Variants in INTU observed in about 807,000 individuals in gnomAD.
INTU encodes inturned planar cell polarity protein, also known as protein inturned.
INTU carries 68 observed loss-of-function variants against 100.5 expected under a neutral mutation model. The ratio of observed to expected loss-of-function variants is 0.68; its 90% confidence interval spans 0.56 to 0.83. The LOEUF (loss-of-function observed/expected upper bound fraction) is 0.83. INTU is among the 40% of genes least tolerant of loss of function. The pLI is 0.00. For missense variants in INTU, 1,071 were observed against 1,114.7 expected, an observed-to-expected ratio of 0.96 and a Z score of 0.56; for synonymous variants, 357 against 395.7, an observed-to-expected ratio of 0.90 and a Z score of 1.16.
At chr4:127,690,734 G>A (rs1253780302) in intron 8 of INTU, among the ~76,000 whole-genome samples, 5 of 152,076 alleles carry the variant, frequency 3.3e-5, no homozygotes, top group Non-Finnish European at 5.9e-5. Flanking sequence ...GAAAGGTACA[G>A]ATTTCCCACG....
At chr4:127,648,028 G>A (rs1488968235) in intron 2 of INTU, among the ~76,000 whole-genome samples, 1 of 152,128 alleles carries the variant, frequency 6.6e-6, no homozygotes, top group Non-Finnish European at 1.5e-5. Flanking sequence ...TTGAGGAACT[G>A]TGATAAACTG....
At chr4:127,649,253 G>A (rs79822714) in intron 2 of INTU, among the ~76,000 whole-genome samples, 4,482 of 152,248 alleles carry the variant, frequency 0.029, 187 homozygotes, top group African/African-American at 0.097. Context: ...AAGATATTGA[G>A]CACAGCATTG....
intron 8 of INTU, among the ~76,000 whole-genome samples, chr4:127,693,886 T>C (rs1370473578): frequency 6.6e-6 from 1 of 152,162 alleles, no homozygotes; most frequent in African/African-American, 2.4e-5. Flanking sequence ...TTGACTTATG[T>C]ATGTTAAACC....
At chr4:127,672,289 G>C (rs1317970495) in intron 5 of INTU, among the ~76,000 whole-genome samples, 3 of 151,942 alleles carry the variant, frequency 2.0e-5, no homozygotes, top group African/African-American at 7.3e-5. Context: ...CCAACCCCTG[G>C]GCAACTGCTA....
rs1731370810 is a variant in INTU, at chr4:127,723,155, TC to T, written c.*6722del. Reference sequence around the variant, plus strand: ...AGGGGAAGCAAAATCCTTCACCATCTCCCTTGGCTGGACGAGGGAGTTCACT... The same window carrying T: ...AGGGGAAGCAAAATCCTTCACCATCTCCTTGGCTGGACGAGGGAGTTCACT... On this transcript the variant is annotated 3_prime_UTR_variant, in exon 16 of 16. Transcript: ENST00000335251. 2 of 152,124 alleles carry T rather than the reference TC, an allele frequency of 1.3e-5. No homozygotes were observed. Among genetic ancestry groups the T allele is most frequent in the Non-Finnish European group, 2.9e-5 (2 of 68,038 alleles). The allele number at this position is 152,124 out of a possible 1,614,324, so 9.4% of individuals were successfully genotyped here.
intron 14 of INTU, among the ~76,000 whole-genome samples, chr4:127,712,738 A>T (rs1437616958): frequency 6.6e-6 from 1 of 152,218 alleles, no homozygotes; most frequent in Non-Finnish European, 1.5e-5. Flanking sequence ...GGAGCAAGCC[A>T]TGTGGCTCTC....
chr4:127,670,412 T>C lies in INTU; in HGVS notation c.1091+1258T>C, dbSNP rs572032129. 4.6e-5 allele frequency among the ~76,000 whole-genome samples: 7 copies of C among 152,096 alleles called. No homozygotes were observed. In the South Asian group the frequency reaches 1.4e-3, roughly 31 times the overall value. ...ATGTTTTAACTAATTAAAAGTCATGTTTAACTATGTGACTTTAATATAGTG... is the reference window on the plus strand; with the variant it reads ...ATGTTTTAACTAATTAAAAGTCATGCTTAACTATGTGACTTTAATATAGTG... On this transcript the variant is annotated intron_variant, in intron 5 of 15. Coordinates refer to ENST00000335251, the MANE Select transcript of INTU (RefSeq NM_015693.4).
rs905772776 is a variant in INTU at position 127,673,209 on chromosome 4, G to A, written c.1092-915G>A. Among the ~76,000 whole-genome samples the A allele has an allele frequency of 2.4e-4, 37 of 152,010 alleles. 1 individual carries two copies. The highest frequency in any genetic ancestry group is 1.5e-3 in the South Asian group (7 of 4,814). On this transcript the variant is annotated intron_variant, in intron 5 of 15. Transcript: ENST00000335251. ...TGTTTTGTTTTTGAGACAGGGCCTCGCTTTGTCACCCATGCTGGAGTGCAT... is the reference window on the plus strand; with the variant it reads ...TGTTTTGTTTTTGAGACAGGGCCTCACTTTGTCACCCATGCTGGAGTGCAT...
intron 6 of INTU, among the ~76,000 whole-genome samples, chr4:127,679,518 A>C (rs1298120633): frequency 2.6e-5 from 4 of 152,228 alleles, no homozygotes; most frequent in African/African-American, 7.2e-5. Context: ...GTACATAATG[A>C]AATGAAGGCA....
chr4:127,664,443 T>C (rs1217697362), intron 4 of INTU, among the ~76,000 whole-genome samples: 1 of 152,020 alleles, frequency 6.6e-6, no homozygotes, highest in African/African-American at 2.4e-5. Context: ...TGCCTATTCA[T>C]AATTAAGAAA....
intron 6 of INTU, among the ~76,000 whole-genome samples, chr4:127,683,384 G>A (rs1314375262): frequency 6.6e-6 from 1 of 152,144 alleles, no homozygotes; most frequent in Non-Finnish European, 1.5e-5. Context: ...TAAAAGATAG[G>A]TAGTAGTATT....
In INTU at chr4:127,700,001, T is replaced by G. The variant is rs73847044; in HGVS notation, c.1450-9T>G. The G allele has an allele frequency of 1.9e-3, 3,015 of 1,565,206 alleles. 53 individuals carry two copies. The African/African-American group carries it at 0.036, about 19-fold the overall frequency. On this transcript the variant is annotated splice_polypyrimidine_tract_variant and intron_variant, in intron 8 of 15. Transcript: ENST00000335251. Reference sequence around the variant, plus strand: ...TGTTTATGTTACTCTTTTTTTTTTTTTAACATAGATGGAATTAGACATGGC... The same window carrying G: ...TGTTTATGTTACTCTTTTTTTTTTTGTAACATAGATGGAATTAGACATGGC...
At chr4:127,659,224 T>G (rs907744672) in intron 3 of INTU, among the ~76,000 whole-genome samples, 1 of 152,178 alleles carries the variant, frequency 6.6e-6, no homozygotes, top group Admixed American at 6.5e-5. Flanking sequence ...TGTAAGAAGA[T>G]GCCCTTATCC....
intron 2 of INTU, 64 bp downstream of exon 2, chr4:127,644,120 C>T (rs1309839278): frequency 3.0e-5 from 45 of 1,493,622 alleles, no homozygotes; most frequent in Middle Eastern, 3.5e-4. Context: ...TGACACCTTG[C>T]GGGAAATGTG....
chr4:127,635,565 T>A (rs1252809273), intron 1 of INTU, among the ~76,000 whole-genome samples: 4 of 152,226 alleles, frequency 2.6e-5, no homozygotes, highest in African/African-American at 9.6e-5. Context: ...AAATGAGATA[T>A]TAGCTGTTAA....
chr4:127,640,525 T>G (rs1341969215), intron 1 of INTU, among the ~76,000 whole-genome samples: 1 of 123,918 alleles, frequency 8.1e-6, no homozygotes, highest in African/African-American at 3.1e-5. Flanking sequence ...ATTGGTATAG[T>G]CTTTTGGGTA....
intron 6 of INTU, among the ~76,000 whole-genome samples, chr4:127,677,273 A>G (rs1729257221): frequency 6.6e-6 from 1 of 152,138 alleles, no homozygotes. Context: ...GCAGCTGGAG[A>G]TCTGAGAATG....
At chr4:127,669,458 C>T (rs759586524) in intron 5 of INTU, among the ~76,000 whole-genome samples, 21 of 151,518 alleles carry the variant, frequency 1.4e-4, no homozygotes, top group Admixed American at 4.0e-4. Context: ...AAAAAACACT[C>T]GGGCCTATAT....
intron 8 of INTU, among the ~76,000 whole-genome samples, chr4:127,690,654 C>T (rs900855015): frequency 6.6e-6 from 1 of 152,132 alleles, no homozygotes; most frequent in African/African-American, 2.4e-5. Context: ...AAAATTTGAA[C>T]AACAATAACA....
Sources: allele counts gnomAD v4.1 joint callset (sites outside exome capture counted in the v4.1 genomes callset), GRCh38; gene constraint gnomAD v4.1.1; transcripts MANE v1.5; gene names NCBI Gene and HGNC (gene_info 2026-07-23, HGNC 2026-07-21).